BICD2: variants seen among roughly 807,000 people sequenced by gnomAD.
The protein encoded by BICD2 is protein bicaudal D homolog 2.
In BICD2, 25 loss-of-function variants were observed where a neutral mutation model predicts 72.9. That is an observed-to-expected ratio of 0.34 (90% confidence interval 0.25 to 0.48). The LOEUF is 0.48. Among genes scored for constraint, BICD2 ranks in the 20% least tolerant of loss-of-function variants. The pLI is 0.99. For synonymous variants in BICD2, 501 were observed against 516.1 expected (o/e 0.97, Z 0.40); for missense variants, 894 against 1,175.2 (o/e 0.76, Z 3.50).
In BICD2 at chr9:92,718,530, G is replaced by C. The variant is rs750324371; in HGVS notation, c.2106+9C>G. 17 of 1,599,078 alleles carry C rather than the reference G, an allele frequency of 1.1e-5. No homozygotes were observed. The highest frequency in any genetic ancestry group is 1.5e-5 in the Non-Finnish European group (17 of 1,171,374). On this transcript the variant is annotated intron_variant, in intron 5 of 6. Transcript: ENST00000356884. ...AGGTGACATGTGCCCCTGCTGCCTG[G>C]CACCTCACCTGCTTGTTGGCCTTGA...
In BICD2 at chr9:92,719,156, C is replaced by T. The variant is rs765563734; in HGVS notation, c.1489G>A (p.Glu497Lys). 1.1e-5 allele frequency: 17 copies of T among 1,611,640 alleles called. No homozygotes were observed. The highest frequency in any genetic ancestry group is 4.4e-5 in the South Asian group (4 of 91,082). The stretch of plus-strand genomic sequence containing the variant: ...TCCTTCTCCAGCCGGGCCAGCAGCT[C>T]GCGGTCCTGGCGGCTGGCCTTCTCT... ...LLEKASRQDR[E>K]LLARLEKELK... is the part of the protein sequence containing the mutation. Residue 497 changes from glutamate to lysine, a missense_variant, in exon 5 of 7, where the codon GAG becomes AAG. Physicochemically the swap from Glu to Lys is moderately conservative, Grantham distance 56 (BLOSUM62 1). This residue lies in a region of BICD2 where 371 missense variants were observed against 439.1 expected (regional missense o/e 0.84). Coordinates refer to ENST00000356884, the MANE Select transcript of BICD2 (RefSeq NM_001003800.2).
chr9:92,747,902 G>A (rs1004042314), intron 1 of BICD2, among the ~76,000 whole-genome samples: 47 of 152,356 alleles, frequency 3.1e-4, no homozygotes, highest in African/African-American at 1.1e-3. Context: ...CAGCTGGGAG[G>A]TGACAGGCCC....
At chr9:92,716,193 C>T (rs1299362043) in intron 6 of BICD2, among the ~76,000 whole-genome samples, 1 of 152,172 alleles carries the variant, frequency 6.6e-6, no homozygotes, top group African/African-American at 2.4e-5. Context: ...CCCTACTCTG[C>T]CTGTCCCCAC....
In BICD2 at chr9:92,764,555, G is replaced by C; in HGVS notation, c.190C>G (p.Leu64Val). The C allele has an allele frequency of 6.4e-7, 1 of 1,550,772 alleles. No homozygotes were observed. The change falls in exon 1 of 7, where the codon CTC (leucine) becomes GTC (valine). Residue 64 changes from leucine to valine, a missense_variant. Physicochemically the swap from Leu to Val is conservative, Grantham distance 32. Transcript: ENST00000356884. The surrounding 1 kb of genome is among the most constrained non-coding windows in gnomAD (Gnocchi z 5.5). ...KHQLKLQFEE[L>V]EVDYEAIRSE... ...CGGATAGCCTCATAGTCCACCTCGA[G>C]CTCCTCGAACTGCAGCTTGAGCTGG...
Position 92,718,749 on chromosome 9 carries a change from A to C in BICD2, c.1896T>G (p.Ala632=). 6.2e-7 allele frequency: 1 copy of C among 1,614,030 alleles called. No homozygotes were observed. Among genetic ancestry groups the C allele is most frequent in the Non-Finnish European group, 8.5e-7 (1 of 1,180,002 alleles). ...GGTGCTTGATCTGGTCACGGATGAT[A>C]GCGATCAGGTTGTAGATGTTCATGG... is the stretch of plus-strand genomic sequence containing the variant. ...REPMNIYNLI[A]IIRDQIKHLQ... The change falls in exon 5 of 7, where the codon GCT becomes GCG. Residue 632 remains alanine, a synonymous_variant. Coordinates refer to ENST00000356884, the MANE Select transcript of BICD2 (RefSeq NM_001003800.2).
intron 1 of BICD2, among the ~76,000 whole-genome samples, chr9:92,730,860 C>T (rs1238931031): frequency 6.6e-6 from 1 of 152,192 alleles, no homozygotes; most frequent in African/African-American, 2.4e-5. Context: ...CCTGCCCCCA[C>T]CCATCAACAC....
rs373355173 is a variant in BICD2 at position 92,720,278 on chromosome 9, G to A, written c.1062+22C>T. On this transcript the variant is annotated intron_variant, in intron 4 of 6. Coordinates refer to ENST00000356884, the MANE Select transcript of BICD2 (RefSeq NM_001003800.2). The surrounding 1 kb of genome is among the most constrained non-coding windows in gnomAD (Gnocchi z 5.4). Reference sequence around the variant, plus strand: ...AGACCTGGAGTGGGGACAGCGTGCCGAAGGCCCCACTGCCTGCTCACCTGC... The same window carrying A: ...AGACCTGGAGTGGGGACAGCGTGCCAAAGGCCCCACTGCCTGCTCACCTGC... 64 of 1,590,288 alleles carry A rather than the reference G, an allele frequency of 4.0e-5. No homozygotes were observed. The East Asian group carries it at 6.0e-4, about 15-fold the overall frequency.
At chr9:92,735,320 C>T (rs1433549115) in intron 1 of BICD2, among the ~76,000 whole-genome samples, 1 of 152,024 alleles carries the variant, frequency 6.6e-6, no homozygotes, top group Non-Finnish European at 1.5e-5. Flanking sequence ...GGCATGGCCT[C>T]GGGACAGGCT....
chr9:92,745,739 G>A (rs1853998042), intron 1 of BICD2, among the ~76,000 whole-genome samples: 1 of 152,216 alleles, frequency 6.6e-6, no homozygotes, highest in South Asian at 2.1e-4. Context: ...TCACAGGTGA[G>A]AAACTGAACT....
chr9:92,722,901 G>A (rs560113561), intron 2 of BICD2, 93 bp from the exon 3 acceptor site: 19 of 1,516,378 alleles, frequency 1.3e-5, no homozygotes, highest in Non-Finnish European at 1.7e-5. Flanking sequence ...CAGCCATACA[G>A]CCAGAACTCA....
At chr9:92,750,662 GTT>G (rs913644735) in intron 1 of BICD2, among the ~76,000 whole-genome samples, 1 of 148,074 alleles carries the variant, frequency 6.8e-6, no homozygotes, top group South Asian at 2.1e-4. Flanking sequence ...GAAGCATAGG[GTT>G]TTTTTTTTAA....
At chr9:92,748,188 T>A (rs1854055315) in intron 1 of BICD2, among the ~76,000 whole-genome samples, 1 of 152,094 alleles carries the variant, frequency 6.6e-6, no homozygotes, top group South Asian at 2.1e-4. Context: ...GCTCCCAGGC[T>A]TGCCCCTGTC....
intron 5 of BICD2, 124 bp from the exon 6 acceptor site, chr9:92,718,072 A>T: frequency 1.6e-6 from 2 of 1,249,114 alleles, no homozygotes; most frequent in Non-Finnish European, 2.2e-6. Flanking sequence ...AGCTCCTGGG[A>T]GGCCCCTCCC....
chr9:92,756,969 A>G (rs1390181685), intron 1 of BICD2, among the ~76,000 whole-genome samples: 1 of 152,156 alleles, frequency 6.6e-6, no homozygotes, highest in African/African-American at 2.4e-5. Flanking sequence ...ACAGCATAAA[A>G]ATAGAGTAGC....
chr9:92,713,927 G>A lies in BICD2; in HGVS notation c.*1227C>T, dbSNP rs1160700178. 7.0e-6 allele frequency: 7 copies of A among 995,884 alleles called. No individual in the cohort carries two copies. The highest frequency in any genetic ancestry group is 8.4e-6 in the Non-Finnish European group (7 of 835,930). The allele number at this position is 995,884 out of a possible 1,614,324, so 61.7% of individuals were successfully genotyped here. A position where few individuals can be genotyped will look rare whatever the true frequency, so the allele number is the denominator to read the frequency against. On this transcript the variant is annotated 3_prime_UTR_variant, in exon 7 of 7. Transcript: ENST00000356884. ...GCATGAGAGACAAGGCAAGCAGCCT[G>A]CAGGAGAGAAGACTGCAGCCTCAGG...
rs537609116 is a variant in BICD2 at position 92,717,563 on chromosome 9, A to G, written c.2258+234T>C. ...GGGCCCCCAACCCCATGTGGCCCCC[A>G]TATCGCCTCACCCTTTCTTGTCACC... On this transcript the variant is annotated intron_variant, in intron 6 of 6. Coordinates refer to ENST00000356884, the MANE Select transcript of BICD2 (RefSeq NM_001003800.2). Among the ~76,000 whole-genome samples, 66 of 152,298 alleles carry G rather than the reference A, an allele frequency of 4.3e-4. 1 individual carries two copies. In the South Asian group the frequency reaches 7.2e-3, roughly 17 times the overall value.
chr9:92,734,629 C>A (rs1284090092), intron 1 of BICD2, among the ~76,000 whole-genome samples: 1 of 151,928 alleles, frequency 6.6e-6, no homozygotes, highest in Non-Finnish European at 1.5e-5. Context: ...ATCTTGTCTC[C>A]TCAGGAGGAA....
intron 1 of BICD2, among the ~76,000 whole-genome samples, chr9:92,762,865 G>A (rs973578905): frequency 6.6e-6 from 1 of 152,152 alleles, no homozygotes; most frequent in Non-Finnish European, 1.5e-5. Flanking sequence ...AGGGAAAAGC[G>A]CCCTAACAGA....
In BICD2 at chr9:92,720,540, G is replaced by A; in HGVS notation, c.822C>T (p.Ser274=). The change falls in exon 4 of 7, where the codon AGC becomes AGT. Residue 274 remains serine (S), a synonymous_variant. Coordinates refer to ENST00000356884, the MANE Select transcript of BICD2 (RefSeq NM_001003800.2). The surrounding 1 kb of genome is among the most constrained non-coding windows in gnomAD (Gnocchi z 5.4). ...GGCCATCCAGCGAGACATGCAGGTG[G>A]CTGGTGTAGAAGGAGTCATTGATGC... is the stretch of plus-strand genomic sequence containing the variant. ...YMSINDSFYT[S]HLHVSLDGLK... is the part of the protein sequence containing the mutation. 6.2e-7 allele frequency: 1 copy of A among 1,614,208 alleles called. No individual in the cohort carries two copies. The highest frequency in any genetic ancestry group is 2.2e-5 in the East Asian group (1 of 44,888).
Sources: allele counts gnomAD v4.1 joint callset (sites outside exome capture counted in the v4.1 genomes callset), GRCh38; gene constraint gnomAD v4.1.1; regional missense constraint gnomAD v4.1.1; non-coding constraint Gnocchi (gnomAD v3.1); transcripts MANE v1.5; gene names NCBI Gene and HGNC (gene_info 2026-07-23, HGNC 2026-07-21).